Variants in CACNA1E observed in about 807,000 individuals in gnomAD.
The protein encoded by CACNA1E is calcium voltage-gated channel subunit alpha1 E.
A neutral mutation model predicts 259.2 loss-of-function variants in CACNA1E; 40 were observed. The ratio of observed to expected loss-of-function variants is 0.15; its 90% confidence interval spans 0.12 to 0.20. The LOEUF (loss-of-function observed/expected upper bound fraction) is 0.20. CACNA1E is among the 10% of genes least tolerant of loss of function. The pLI is 1.00. For missense variants in CACNA1E, 1,874 were observed against 3,040.1 expected (o/e 0.62, Z 9.02); for synonymous variants, 1,104 against 1,138.5 (o/e 0.97, Z 0.61).
chr1:181,754,536 C>T (rs1657915526), intron 27 of CACNA1E, among the ~76,000 whole-genome samples: 1 of 152,174 alleles, frequency 6.6e-6, no homozygotes, highest in Admixed American at 6.5e-5. Context: ...CTCTGGAGGT[C>T]TGTTGCCTTT....
chr1:181,329,477 G>A (rs189067174), intron 1 of CACNA1E, among the ~76,000 whole-genome samples: 1 of 152,072 alleles, frequency 6.6e-6, no homozygotes, highest in Non-Finnish European at 1.5e-5. Context: ...TGCCTACTTT[G>A]CTCTCTATCA....
intron 2 of CACNA1E, among the ~76,000 whole-genome samples, chr1:181,475,358 A>C (rs908564808): frequency 6.6e-6 from 1 of 152,334 alleles, no homozygotes; most frequent in Middle Eastern, 3.4e-3. Flanking sequence ...ATCAGTGATA[A>C]AACAGTACTA....
At chr1:181,476,534 A>G (rs975846883) in intron 2 of CACNA1E, among the ~76,000 whole-genome samples, 1 of 152,154 alleles carries the variant, frequency 6.6e-6, no homozygotes, top group Non-Finnish European at 1.5e-5. Context: ...CAAGAGTGAA[A>G]TGTAGGGAGT....
At chr1:181,393,177 G>A (rs1184911391) in intron 1 of CACNA1E, among the ~76,000 whole-genome samples, 1 of 152,182 alleles carries the variant, frequency 6.6e-6, no homozygotes, top group Non-Finnish European at 1.5e-5. Context: ...ATGCTGTGGG[G>A]GAAGGCTGCC....
At chr1:181,699,756 G>A (rs576422840) in intron 7 of CACNA1E, among the ~76,000 whole-genome samples, 32 of 152,262 alleles carry the variant, frequency 2.1e-4, no homozygotes, top group African/African-American at 6.7e-4. Context: ...GAGAAAAGGG[G>A]TAAGACTGCC....
intron 3 of CACNA1E, among the ~76,000 whole-genome samples, chr1:181,513,593 G>A (rs899110794): frequency 2.0e-5 from 3 of 152,156 alleles, no homozygotes; most frequent in Non-Finnish European, 4.4e-5. Context: ...TCTGGTGTGG[G>A]GTCTGGGAAC....
At chr1:181,569,163 G>A (rs763034832) in intron 3 of CACNA1E, among the ~76,000 whole-genome samples, 11 of 152,160 alleles carry the variant, frequency 7.2e-5, no homozygotes, top group East Asian at 1.9e-4. Context: ...CCTATTTAAT[G>A]TATGTCTCTT....
chr1:181,704,680 G>A (rs77875573), intron 7 of CACNA1E, among the ~76,000 whole-genome samples: 82 of 152,268 alleles, frequency 5.4e-4, no homozygotes, highest in African/African-American at 1.8e-3. Context: ...GTACAGTAGT[G>A]TGGATAAACA....
intron 6 of CACNA1E, among the ~76,000 whole-genome samples, chr1:181,609,755 A>G (rs1454710713): frequency 6.6e-6 from 1 of 152,106 alleles, no homozygotes; most frequent in Non-Finnish European, 1.5e-5. Flanking sequence ...CTAGAACTCT[A>G]TTTTCTATGA....
chr1:181,578,735 T>C (rs533856837), intron 4 of CACNA1E, among the ~76,000 whole-genome samples: 1 of 152,368 alleles, frequency 6.6e-6, no homozygotes, highest in Non-Finnish European at 1.5e-5. Flanking sequence ...CTCTGACTGT[T>C]TTCTTGGCTA....
chr1:181,716,271 C>G (rs978561265), intron 10 of CACNA1E, 142 bp downstream of exon 10: 8 of 379,714 alleles, frequency 2.1e-5, no homozygotes, highest in Non-Finnish European at 3.3e-5. Flanking sequence ...GGGTGGAAAT[C>G]GAATCTAGAT....
chr1:181,372,054 G>T (rs560618219), intron 1 of CACNA1E, among the ~76,000 whole-genome samples: 1 of 152,064 alleles, frequency 6.6e-6, no homozygotes, highest in African/African-American at 2.4e-5. Flanking sequence ...TGTTCTTTTT[G>T]CTTGGGATTA....
intron 1 of CACNA1E, among the ~76,000 whole-genome samples, chr1:181,365,383 G>T (rs1654191463): frequency 6.6e-6 from 1 of 152,188 alleles, no homozygotes; most frequent in African/African-American, 2.4e-5. Context: ...CGTTGCCCAG[G>T]CTGGTCTTGA....
At chr1:181,746,045 G>A (rs1036818210) in intron 25 of CACNA1E, among the ~76,000 whole-genome samples, 1 of 152,228 alleles carries the variant, frequency 6.6e-6, no homozygotes, top group Non-Finnish European at 1.5e-5. Context: ...CATAGAGCTA[G>A]TGCTCTGGTC....
At chr1:181,748,056 A>T (rs993324164) in intron 25 of CACNA1E, among the ~76,000 whole-genome samples, 4 of 152,266 alleles carry the variant, frequency 2.6e-5, no homozygotes, top group Admixed American at 2.6e-4. Flanking sequence ...CAGCTATTCC[A>T]ATTCATAGCT....
chr1:181,447,496 A>G (rs112031845), intron 2 of CACNA1E, among the ~76,000 whole-genome samples: 1 of 151,740 alleles, frequency 6.6e-6, no homozygotes, highest in Non-Finnish European at 1.5e-5. Context: ...GCACCTCTGT[A>G]CTCCAACTTG....
chr1:181,435,245 T>C (rs1660007861), intron 2 of CACNA1E, among the ~76,000 whole-genome samples: 1 of 152,216 alleles, frequency 6.6e-6, no homozygotes. Flanking sequence ...AAAAATTCTC[T>C]TTGCCTATGC....
At chr1:181,498,965 T>A (rs753102391) in intron 1 of CACNA1E, among the ~76,000 whole-genome samples, 1 of 152,132 alleles carries the variant, frequency 6.6e-6, no homozygotes, top group Non-Finnish European at 1.5e-5. Context: ...AAAATAGGAA[T>A]GGATAAGAGA....
chr1:181,405,736 G>A (rs1044938198), intron 1 of CACNA1E, among the ~76,000 whole-genome samples: 1 of 152,138 alleles, frequency 6.6e-6, no homozygotes. Context: ...GTTAAGCAGG[G>A]CCAGGTGACT....
Sources: gnomAD v4.1 joint callset for allele counts (sites outside exome capture counted in the v4.1 genomes callset) on GRCh38, gnomAD v4.1.1 for gene constraint, MANE v1.5 for transcripts, NCBI Gene and HGNC (gene_info 2026-07-23, HGNC 2026-07-21) for gene names.